Variants in ZBTB10 observed in about 807,000 individuals in gnomAD.
ZBTB10 encodes zinc finger and BTB domain containing 10, also known as zinc finger and BTB domain-containing protein 10.
In ZBTB10, 32 loss-of-function variants were observed where a neutral mutation model predicts 76.4. The ratio of observed to expected loss-of-function variants is 0.42; its 90% confidence interval spans 0.32 to 0.56. ZBTB10 has a LOEUF of 0.56. Among genes scored for constraint, ZBTB10 ranks in the 20% least tolerant of loss-of-function variants. The probability of loss-of-function intolerance (pLI) is 0.14; values close to 1 mark genes in which losing one functional copy is unlikely to be tolerated. For synonymous variants in ZBTB10, 523 were observed against 432.9 expected (o/e 1.21, Z -2.58); for missense variants, 1,057 against 1,098.5 (o/e 0.96, Z 0.53).
rs185251459 is a variant in ZBTB10 at position 80,493,812 on chromosome 8, G to A, written c.973-5682G>A. On this transcript the variant is annotated intron_variant, in intron 1 of 5. Transcript: ENST00000455036. ...GCCCTTGTGCTTGGACAACAAGAGC[G>A]AAACTTCGTCTCAAAAATAAAAAAT... Among the ~76,000 whole-genome samples the A allele has an allele frequency of 1.6e-4, 25 of 152,266 alleles. No individual in the cohort carries two copies. The East Asian group carries it at 3.9e-3, about 23-fold the overall frequency.
rs79212887 is a variant in ZBTB10, at chr8:80,494,519, T to C, written c.973-4975T>C. Reference sequence around the variant, plus strand: ...CTTTACATCTGTTTTATCATGCAAGTTCTGATGATTTTTAGACTATTTTTC... The same window carrying C: ...CTTTACATCTGTTTTATCATGCAAGCTCTGATGATTTTTAGACTATTTTTC... On this transcript the variant is annotated intron_variant, in intron 1 of 5. Transcript: ENST00000455036. 1.3e-4 allele frequency among the ~76,000 whole-genome samples: 20 copies of C among 152,304 alleles called. 2 individuals carry two copies. In the East Asian group the frequency reaches 3.9e-3, roughly 29 times the overall value.
upstream of ZBTB10, chr8:80,485,871 CG>C (rs1815431002): frequency 6.5e-7 from 1 of 1,535,560 alleles, no homozygotes; most frequent in South Asian, 1.2e-5. Context: ...ATGCGCGTCC[CG>C]GGCGCGGGTA....
At position 80,487,205 on chromosome 8, in the gene ZBTB10, G is replaced by GGA. The variant is rs1326310805; in HGVS notation, c.395_396insGA (p.Leu133IlefsTer19). The GGA allele has an allele frequency of 7.8e-6, 12 of 1,542,792 alleles. No individual in the cohort carries two copies. The Admixed American group carries it at 1.8e-4, about 23-fold the overall frequency. On this transcript the variant is annotated frameshift_variant, in exon 1 of 6. Coordinates refer to ENST00000455036, the MANE Select transcript of ZBTB10 (RefSeq NM_001105539.3). LOFTEE classifies it high-confidence loss of function. ...GCCTTCCGAGGCGGCGGCGGCGGGG[G>GGA]TCTCGGCAACAATGGCAGTAGCCGC...
Position 80,499,929 on chromosome 8 carries a change from G to A in ZBTB10, c.1408G>A (p.Glu470Lys), listed in dbSNP as rs1815878155. ...TGCCTTAAATATAAGCATTAAATCA[G>A]AAGCTCCAGAGTCTGTAGTTGTGGA... is the stretch of plus-strand genomic sequence containing the variant. The part of the protein sequence containing the change: ...KDALNISIKS[E>K]APESVVVDYN... The change falls in exon 2 of 6, where the codon GAA becomes AAA. Residue 470 changes from glutamate (E) to lysine (K), a missense_variant. Transcript: ENST00000455036. 6.2e-7 allele frequency: 1 copy of A among 1,613,740 alleles called. No individual in the cohort carries two copies. The highest frequency in any genetic ancestry group is 1.3e-5 in the African/African-American group (1 of 74,894).
chr8:80,506,572 C>T (rs1443272251), intron 2 of ZBTB10, among the ~76,000 whole-genome samples: 6 of 133,968 alleles, frequency 4.5e-5, no homozygotes, highest in Non-Finnish European at 1.5e-5. Context: ...ACCCCCCCCC[C>T]AACCCCCGCC....
chr8:80,501,485 T>TC (rs1163175151), intron 2 of ZBTB10, among the ~76,000 whole-genome samples: 1 of 152,248 alleles, frequency 6.6e-6, no homozygotes, highest in Admixed American at 6.5e-5. Flanking sequence ...CTTGTTTTTT[T>TC]CACTTCAAAG....
Position 80,525,255 on chromosome 8 carries a change from G to A in ZBTB10, c.*5727G>A, listed in dbSNP as rs978536636. Reference sequence around the variant, plus strand: ...TCAGAATTTAGGCTATGACATAACTGTCTTTCTGAAGTTTAAAGAAAGAAA... The same window carrying A: ...TCAGAATTTAGGCTATGACATAACTATCTTTCTGAAGTTTAAAGAAAGAAA... On this transcript the variant is annotated 3_prime_UTR_variant, in exon 6 of 6. Transcript: ENST00000455036. The A allele has an allele frequency of 1.3e-5, 2 of 152,086 alleles. No individual in the cohort carries two copies. Among genetic ancestry groups the A allele is most frequent in the African/African-American group, 4.8e-5 (2 of 41,434 alleles). The allele number at this position is 152,086 out of a possible 1,614,324, so 9.4% of individuals were successfully genotyped here. A position where few individuals can be genotyped will look rare whatever the true frequency, so the allele number is the denominator to read the frequency against.
chr8:80,519,369 T>A lies in ZBTB10; in HGVS notation c.2457T>A (p.Gly819=). The A allele has an allele frequency of 6.2e-7, 1 of 1,613,432 alleles. No individual in the cohort carries two copies. Among genetic ancestry groups the A allele is most frequent in the Non-Finnish European group, 8.5e-7 (1 of 1,179,710 alleles). ...AATCACAGCCAGGAGGGCAAGAAGG[T>A]GTAGATCAGGGACAGGATACAGAAT... is the stretch of plus-strand genomic sequence containing the variant. ...ADKSQPGGQE[G]VDQGQDTEFP... The change falls in exon 6 of 6, where the codon GGT becomes GGA. Residue 819 remains glycine (G), a synonymous_variant. Transcript: ENST00000455036.
rs1815471577 is a variant in ZBTB10 at position 80,486,757 on chromosome 8, C to T, written c.-54C>T. On this transcript the variant is annotated 5_prime_UTR_variant, in exon 1 of 6. Coordinates refer to ENST00000455036, the MANE Select transcript of ZBTB10 (RefSeq NM_001105539.3). ...GCCGCGGGGAGCGCGCGGGACGCGG[C>T]CCGAGGCCGTGCGCGAGCCGGGGCA... is the stretch of plus-strand genomic sequence containing the variant. 4 of 1,247,204 alleles carry T rather than the reference C, an allele frequency of 3.2e-6. No individual in the cohort carries two copies. The highest frequency in any genetic ancestry group is 4.8e-5 in the East Asian group (1 of 20,862). 77.3% of individuals were successfully genotyped at this position (1,247,204 alleles called of 1,614,324 possible).
Position 80,499,645 on chromosome 8 carries a change from T to A in ZBTB10, c.1124T>A (p.Phe375Tyr). The A allele has an allele frequency of 6.2e-7, 1 of 1,613,984 alleles. No homozygotes were observed. Among genetic ancestry groups the A allele is most frequent in the Non-Finnish European group, 8.5e-7 (1 of 1,179,866 alleles). ...DVSIVVSGKI[F>Y]KAHKNILVAG... ...AGCATTGTGGTAAGCGGAAAAATCT[T>A]CAAAGCTCATAAGAACATCCTGGTT... Residue 375 changes from phenylalanine (F) to tyrosine (Y), a missense_variant, in exon 2 of 6, where the codon TTC (phenylalanine) becomes TAC (tyrosine). This residue lies in a region of ZBTB10 where 86 missense variants were observed against 145.7 expected (regional missense o/e 0.59). Coordinates refer to ENST00000455036, the MANE Select transcript of ZBTB10 (RefSeq NM_001105539.3).
Position 80,487,449 on chromosome 8 carries a change from T to C in ZBTB10, c.639T>C (p.Asp213=). 1 of 1,546,040 alleles carries C rather than the reference T, an allele frequency of 6.5e-7. No individual in the cohort carries two copies. The highest frequency in any genetic ancestry group is 2.5e-5 in the East Asian group (1 of 40,698). ...SCSSSRRSGG[D]GGDEVEGSGV... ...GCAGCAGCAGGCGGTCGGGCGGCGA[T>C]GGCGGGGACGAAGTGGAGGGCAGCG... The change falls in exon 1 of 6, where the codon GAT becomes GAC. Residue 213 remains aspartate, a synonymous_variant. Transcript: ENST00000455036.
At chr8:80,502,041 A>G (rs1332494086) in intron 2 of ZBTB10, among the ~76,000 whole-genome samples, 1 of 152,220 alleles carries the variant, frequency 6.6e-6, no homozygotes, top group African/African-American at 2.4e-5. Context: ...GTCAGCAGTA[A>G]CCTCATTTAA....
At chr8:80,513,870 G>A (rs947837047) in intron 2 of ZBTB10, 40 bp from the exon 3 acceptor site, 3 of 1,542,790 alleles carry the variant, frequency 1.9e-6, no homozygotes, top group Middle Eastern at 3.4e-4. Context: ...GGTGGCTATG[G>A]TGTGGTTTGT....
intron 2 of ZBTB10, among the ~76,000 whole-genome samples, chr8:80,507,164 TG>T (rs1283985744): frequency 6.7e-6 from 1 of 149,232 alleles, no homozygotes; most frequent in Admixed American, 6.7e-5. Context: ...AAAAATTAGC[TG>T]GGTGTGGTGG....
At chr8:80,504,546 A>G (rs1290207361) in intron 2 of ZBTB10, among the ~76,000 whole-genome samples, 1 of 152,038 alleles carries the variant, frequency 6.6e-6, no homozygotes, top group African/African-American at 2.4e-5. Flanking sequence ...TTGACTCACT[A>G]CAGAGTCATA....
Position 80,499,963 on chromosome 8 carries a change from A to G in ZBTB10, c.1442A>G (p.Asn481Ser). 1.2e-6 allele frequency: 2 copies of G among 1,613,974 alleles called. No individual in the cohort carries two copies. The highest frequency in any genetic ancestry group is 1.7e-6 in the Non-Finnish European group (2 of 1,179,878). ...GAGTCTGTAGTTGTGGACTATAATAATAGAAAACCAGTTAATAGAGATGGT... is the reference window on the plus strand; with the variant it reads ...GAGTCTGTAGTTGTGGACTATAATAGTAGAAAACCAGTTAATAGAGATGGT... ...APESVVVDYN[N>S]RKPVNRDGLS... Residue 481 changes from asparagine (N) to serine (S), a missense_variant, in exon 2 of 6, where the codon AAT (asparagine) becomes AGT (serine). By Grantham distance (46) the Asn-to-Ser change is conservative. Coordinates refer to ENST00000455036, the MANE Select transcript of ZBTB10 (RefSeq NM_001105539.3).
chr8:80,517,965 G>A (rs965666175), intron 3 of ZBTB10, among the ~76,000 whole-genome samples: 12 of 133,798 alleles, frequency 9.0e-5, no homozygotes, highest in Admixed American at 5.0e-4. Context: ...TGCAACTCCC[G>A]GGCTCAAATG....
At position 80,519,702 on chromosome 8, in the gene ZBTB10, A is replaced by C; in HGVS notation, c.*174A>C. The C allele has an allele frequency of 1.7e-6, 1 of 586,556 alleles. No homozygotes were observed. Among genetic ancestry groups the C allele is most frequent in the Non-Finnish European group, 3.0e-6 (1 of 338,698 alleles). 36.3% of individuals were successfully genotyped at this position (586,556 alleles called of 1,614,324 possible). A position where few individuals can be genotyped will look rare whatever the true frequency, so the allele number is the denominator to read the frequency against. Reference sequence around the variant, plus strand: ...AAAAAAAATTTTTTTTTATATTTGCACAGGACTATACAGCAAACAACCATG... The same window carrying C: ...AAAAAAAATTTTTTTTTATATTTGCCCAGGACTATACAGCAAACAACCATG... On this transcript the variant is annotated 3_prime_UTR_variant, in exon 6 of 6. Coordinates refer to ENST00000455036, the MANE Select transcript of ZBTB10 (RefSeq NM_001105539.3).
Position 80,518,518 on chromosome 8 carries a change from A to T in ZBTB10, c.2076A>T (p.Ser692=). The T allele has an allele frequency of 6.4e-7, 1 of 1,553,380 alleles. No individual in the cohort carries two copies. Among genetic ancestry groups the T allele is most frequent in the Non-Finnish European group, 8.7e-7 (1 of 1,147,926 alleles). The part of the protein sequence containing the change: ...DFKYGLIPGA[S]NDFKYGLLPE... Reference sequence around the variant, plus strand: ...AGTATGGATTGATACCAGGTGCTTCAAATGATTTCAAGTATGGATTATTGC... The same window carrying T: ...AGTATGGATTGATACCAGGTGCTTCTAATGATTTCAAGTATGGATTATTGC... The change falls in exon 4 of 6, where the codon TCA becomes TCT. Residue 692 remains serine (S), a synonymous_variant. Coordinates refer to ENST00000455036, the MANE Select transcript of ZBTB10 (RefSeq NM_001105539.3).
Sources: gnomAD v4.1 joint callset for allele counts (sites outside exome capture counted in the v4.1 genomes callset) on GRCh38, gnomAD v4.1.1 for gene constraint, gnomAD v4.1.1 regional missense constraint, MANE v1.5 for transcripts, NCBI Gene and HGNC (gene_info 2026-07-23, HGNC 2026-07-21) for gene names.